ROBO2: variants seen among roughly 807,000 people sequenced by gnomAD.
ROBO2 encodes roundabout guidance receptor 2, also known as roundabout homolog 2.
Under a neutral mutation model 160.8 loss-of-function variants are expected in ROBO2, and 53 were observed. That is an observed-to-expected ratio of 0.33 (90% CI 0.26 to 0.41). ROBO2 has a LOEUF of 0.41. ROBO2 is among the 10% of genes least tolerant of loss of function. The pLI is 1.00. For synonymous variants in ROBO2, 664 were observed against 611.7 expected (o/e 1.09, Z -1.26); for missense variants, 1,577 against 1,722.4 (o/e 0.92, Z 1.49).
At position 77,403,387 on chromosome 3, in the gene ROBO2, G is replaced by T. The variant is rs974532296; in HGVS notation, c.389-74027G>T. ...CAATTTCTCTCACACCCCAGCTTCT[G>T]TTAACCACCATTCTACTCTCTGCAT... On this transcript the variant is annotated intron_variant, in intron 2 of 25. Coordinates refer to ENST00000461745, the Ensembl canonical transcript of ROBO2. 4.6e-5 allele frequency among the ~76,000 whole-genome samples: 7 copies of T among 152,202 alleles called. No homozygotes were observed. In the East Asian group the frequency reaches 1.4e-3, roughly 29 times the overall value.
At chr3:77,550,297 A>C (rs1293035221) in intron 7 of ROBO2, among the ~76,000 whole-genome samples, 1 of 152,076 alleles carries the variant, frequency 6.6e-6, no homozygotes, top group Non-Finnish European at 1.5e-5. Context: ...AAGTACAGTC[A>C]GCTCTCTGTC....
At chr3:76,682,713 T>C (rs567950079) in intron 2 of ROBO2, among the ~76,000 whole-genome samples, 38 of 152,250 alleles carry the variant, frequency 2.5e-4, no homozygotes, top group Non-Finnish European at 4.4e-4. Context: ...GCCCAAAAAT[T>C]TCTTTAAAAT....
At chr3:75,928,160 AT>A (rs908048910) in intron 1 of ROBO2, among the ~76,000 whole-genome samples, 16 of 148,942 alleles carry the variant, frequency 1.1e-4, no homozygotes, top group Non-Finnish European at 1.6e-4. Context: ...TATTTTTTGT[AT>A]TTTTAGTAGA....
At chr3:77,057,422 G>T (rs1236344524) in intron 1 of ROBO2, among the ~76,000 whole-genome samples, 1 of 151,874 alleles carries the variant, frequency 6.6e-6, no homozygotes, top group East Asian at 1.9e-4. Flanking sequence ...TAACAAACCT[G>T]CATGTTGTGC....
intron 2 of ROBO2, among the ~76,000 whole-genome samples, chr3:76,883,974 G>A (rs981853660): frequency 6.6e-6 from 1 of 152,070 alleles, no homozygotes; most frequent in African/African-American, 2.4e-5. Flanking sequence ...TTTGTCCTTT[G>A]TTATATGTAG....
chr3:76,811,875 T>A (rs920059064), intron 2 of ROBO2, among the ~76,000 whole-genome samples: 2 of 136,098 alleles, frequency 1.5e-5, no homozygotes, highest in Non-Finnish European at 3.2e-5. Context: ...CCTTCCTTCC[T>A]TCCTTCCTTT....
chr3:76,637,388 A>G (rs1056370045), intron 2 of ROBO2, among the ~76,000 whole-genome samples: 34 of 151,468 alleles, frequency 2.2e-4, no homozygotes, highest in African/African-American at 7.5e-4. Context: ...AAAGACCTGC[A>G]TTTCTTTCTT....
chr3:77,493,480 T>C, intron 5 of ROBO2, 98 bp downstream of exon 5: 2 of 1,323,140 alleles, frequency 1.5e-6, no homozygotes, highest in Non-Finnish European at 2.2e-6. Flanking sequence ...CTCCTATGTC[T>C]TGGGGTACTT....
In ROBO2 at chr3:76,415,158, T is replaced by C. The variant is rs1312336991; in HGVS notation, c.109+477556T>C. 3.3e-5 allele frequency among the ~76,000 whole-genome samples: 5 copies of C among 152,314 alleles called. No individual in the cohort carries two copies. In the East Asian group the frequency reaches 9.7e-4, roughly 29 times the overall value. On this transcript the variant is annotated intron_variant, in intron 2 of 26. Coordinates refer to the ROBO2 transcript ENST00000487694. ...TCTCCTGTGTTTCTCATGTATGGAATATATCAAGGGGCCAGAAGTACATCG... is the reference window on the plus strand; with the variant it reads ...TCTCCTGTGTTTCTCATGTATGGAACATATCAAGGGGCCAGAAGTACATCG...
chr3:77,535,512 GTCT>G (rs1378600048), intron 6 of ROBO2, among the ~76,000 whole-genome samples: 5 of 152,058 alleles, frequency 3.3e-5, no homozygotes, highest in East Asian at 3.9e-4. Flanking sequence ...CTTTAAACTA[GTCT>G]TCTTCTGCTG....
intron 2 of ROBO2, among the ~76,000 whole-genome samples, chr3:77,192,917 G>C (rs2081992595): frequency 6.6e-6 from 1 of 151,926 alleles, no homozygotes; most frequent in African/African-American, 2.4e-5. Context: ...GTCTCCAAAA[G>C]TGCTGGGATT....
At chr3:76,056,703 G>A (rs1045716703) in intron 2 of ROBO2, among the ~76,000 whole-genome samples, 2 of 152,186 alleles carry the variant, frequency 1.3e-5, no homozygotes, top group Non-Finnish European at 2.9e-5. Flanking sequence ...TGGGAGGGTT[G>A]CAGATGTTTA....
chr3:76,024,368 CTTAT>C (rs1368574243), intron 2 of ROBO2, among the ~76,000 whole-genome samples: 1 of 69,574 alleles, frequency 1.4e-5, no homozygotes, highest in Non-Finnish European at 3.4e-5. Context: ...TGTTTTAGAA[CTTAT>C]TTTTTTTTTT....
At chr3:76,692,271 T>G (rs1315915597) in intron 2 of ROBO2, among the ~76,000 whole-genome samples, 1 of 152,100 alleles carries the variant, frequency 6.6e-6, no homozygotes, top group Non-Finnish European at 1.5e-5. Flanking sequence ...TTCTTTGGAT[T>G]AGTATATGAG....
chr3:76,816,451 G>T (rs1456480126), intron 2 of ROBO2, among the ~76,000 whole-genome samples: 9 of 152,068 alleles, frequency 5.9e-5, no homozygotes, highest in African/African-American at 1.9e-4. Flanking sequence ...CAAAGCGTGT[G>T]ATTCAGAGTG....
At chr3:76,843,192 A>C in intron 2 of ROBO2, among the ~76,000 whole-genome samples, 1 of 149,858 alleles carries the variant, frequency 6.7e-6, no homozygotes, top group South Asian at 2.1e-4. Context: ...TATATAATTT[A>C]TATTAGATTA....
intron 2 of ROBO2, among the ~76,000 whole-genome samples, chr3:76,975,511 A>G (rs545801333): frequency 6.6e-6 from 1 of 152,230 alleles, no homozygotes; most frequent in East Asian, 1.9e-4. Context: ...ACTGTGTCTT[A>G]AGTAATTTAG....
intron 2 of ROBO2, among the ~76,000 whole-genome samples, chr3:77,200,146 G>T (rs182775887): frequency 7.2e-4 from 108 of 149,988 alleles, no homozygotes; most frequent in Non-Finnish European, 1.3e-3. Flanking sequence ...AAAGAAGATT[G>T]CATTTGGAAG....
At chr3:76,425,897 C>G (rs185712338) in intron 2 of ROBO2, among the ~76,000 whole-genome samples, 1 of 152,086 alleles carries the variant, frequency 6.6e-6, no homozygotes, top group Admixed American at 6.6e-5. Context: ...AGGACAAAGA[C>G]GTTAGGCATG....
Sources: gnomAD v4.1 joint callset for allele counts (sites outside exome capture counted in the v4.1 genomes callset) on GRCh38, gnomAD v4.1.1 for gene constraint, MANE v1.5 for transcripts, NCBI Gene and HGNC (gene_info 2026-07-23, HGNC 2026-07-21) for gene names.